Variants in ZFYVE26 observed in about 807,000 individuals in gnomAD.
ZFYVE26 encodes the protein zinc finger FYVE-type containing 26.
A neutral mutation model predicts 276.5 loss-of-function variants in ZFYVE26; 181 were observed. That is an observed-to-expected ratio of 0.65 (90% CI 0.58 to 0.74). The LOEUF is 0.74. ZFYVE26 is among the 30% of genes least tolerant of loss of function. The pLI is 0.00. For synonymous variants in ZFYVE26, 1,129 were observed against 1,203.1 expected, an observed-to-expected ratio of 0.94 and a Z score of 1.27; for missense variants, 2,821 against 3,097.9, an observed-to-expected ratio of 0.91 and a Z score of 2.12.
chr14:67,742,936 C>A, downstream of ZFYVE26, among the ~76,000 whole-genome samples: 1 of 148,694 alleles, frequency 6.7e-6, no homozygotes, highest in Admixed American at 6.8e-5. Context: ...AACTCCTGGG[C>A]TCAAGCGATC....
intron 35 of ZFYVE26, among the ~76,000 whole-genome samples, chr14:67,759,117 C>T (rs1459508458): frequency 7.3e-5 from 11 of 150,422 alleles, no homozygotes; most frequent in African/African-American, 9.8e-5. Context: ...TGGTGGCGGG[C>T]GCTTGTAGTC....
In ZFYVE26 at chr14:67,767,804, G is replaced by A. The variant is rs752859634; in HGVS notation, c.5690C>T (p.Ser1897Leu). Residue 1897 changes from serine to leucine, a missense_variant, in exon 31 of 42, where the codon TCG (serine) becomes TTG (leucine). Ser to Leu is a moderately radical substitution (Grantham distance 145, BLOSUM62 -2). Coordinates refer to ENST00000347230, the MANE Select transcript of ZFYVE26 (RefSeq NM_015346.4). ...DSSKNESPPY[S>L]FVVRVPKADE... ...TGCTTTGGGGACTCTCACCACAAAC[G>A]AGTATGGAGGGCTTTCATTCTTGGA... 9 of 1,613,998 alleles carry A rather than the reference G, an allele frequency of 5.6e-6. No individual in the cohort carries two copies. Among genetic ancestry groups the A allele is most frequent in the Admixed American group, 1.7e-5 (1 of 59,996 alleles).
At position 67,804,137 on chromosome 14, in the gene ZFYVE26, G is replaced by T; in HGVS notation, c.1399C>A (p.Gln467Lys). 6.2e-7 allele frequency: 1 copy of T among 1,614,196 alleles called. No homozygotes were observed. Among genetic ancestry groups the T allele is most frequent in the Non-Finnish European group, 8.5e-7 (1 of 1,180,020 alleles). Reference sequence around the variant, plus strand: ...TGGGGGTCCTTGGCTGGCACTTTCTGTAAGAGCTTGAGAACATCTTCCTCC... The same window carrying T: ...TGGGGGTCCTTGGCTGGCACTTTCTTTAAGAGCTTGAGAACATCTTCCTCC... ...LREEDVLKLL[Q>K]KVPAKDPQQE... is the part of the protein sequence containing the mutation. The change falls in exon 9 of 42, where the codon CAG becomes AAG. Residue 467 changes from glutamine (Q) to lysine (K), a missense_variant. Physicochemically the swap from Gln to Lys is moderately conservative, Grantham distance 53 (BLOSUM62 1). Transcript: ENST00000347230.
chr14:67,751,791 T>C (rs1384398596), intron 40 of ZFYVE26, among the ~76,000 whole-genome samples: 1 of 151,466 alleles, frequency 6.6e-6, no homozygotes, highest in Non-Finnish European at 1.5e-5. Flanking sequence ...GAGAATGGCG[T>C]GAACCCAGGA....
chr14:67,744,364 T>G (rs1396740140), downstream of ZFYVE26, among the ~76,000 whole-genome samples: 1 of 152,212 alleles, frequency 6.6e-6, no homozygotes, highest in Non-Finnish European at 1.5e-5. Flanking sequence ...TAATCATTAC[T>G]GTTGTTTGTT....
chr14:67,757,641 T>TCTTC (rs2038812982), intron 35 of ZFYVE26, among the ~76,000 whole-genome samples: 2 of 1,802 alleles, frequency 1.1e-3, no homozygotes, highest in Admixed American at 0.015. Flanking sequence ...GATATTTTTG[T>TCTTC]CTTTCTTTCT....
At chr14:67,751,828 C>T (rs1305028004) in intron 40 of ZFYVE26, among the ~76,000 whole-genome samples, 2 of 151,758 alleles carry the variant, frequency 1.3e-5, no homozygotes, top group Non-Finnish European at 2.9e-5. Flanking sequence ...AGCTGAGATA[C>T]TCCAGCCTGG....
chr14:67,798,757 T>A, intron 10 of ZFYVE26, 135 bp from the exon 11 acceptor site: 2 of 1,182,560 alleles, frequency 1.7e-6, no homozygotes, highest in Non-Finnish European at 2.4e-6. Context: ...ATAAGGGAAC[T>A]GAGGTTACAG....
intron 13 of ZFYVE26, 46 bp downstream of exon 13, chr14:67,794,125 C>G: frequency 6.3e-7 from 1 of 1,590,998 alleles, no homozygotes; most frequent in Non-Finnish European, 8.6e-7. Context: ...AACTCTATAT[C>G]AGGGCAAAGC....
rs551045659 is a variant in ZFYVE26, at chr14:67,808,319, C to T, written c.364-399G>A. On this transcript the variant is annotated intron_variant, in intron 4 of 41. Coordinates refer to ENST00000347230, the MANE Select transcript of ZFYVE26 (RefSeq NM_015346.4). ...ATGCCCATCTAAAGGCATTTACATTCAATTTTTAAAAGAATGTCAGTTTTT... is the reference window on the plus strand; with the variant it reads ...ATGCCCATCTAAAGGCATTTACATTTAATTTTTAAAAGAATGTCAGTTTTT... 2.6e-5 allele frequency among the ~76,000 whole-genome samples: 4 copies of T among 152,284 alleles called. No homozygotes were observed. The East Asian group carries it at 7.7e-4, about 29-fold the overall frequency.
intron 2 of ZFYVE26, 92 bp downstream of exon 2, chr14:67,815,678 G>T (rs2040386852): frequency 1.6e-6 from 2 of 1,218,108 alleles, no homozygotes; most frequent in Admixed American, 1.7e-5. Context: ...TCTTCAGAGG[G>T]TAGTTGAGTG....
In ZFYVE26 at chr14:67,793,732, C is replaced by T. The variant is rs1395832064; in HGVS notation, c.2429G>A (p.Arg810Gln). 16 of 1,613,738 alleles carry T rather than the reference C, an allele frequency of 9.9e-6. No homozygotes were observed. Among genetic ancestry groups the T allele is most frequent in the Middle Eastern group, 1.6e-4 (1 of 6,082 alleles). ...GTGCAATCTACTGTGCAGCTCATTC[C>T]GGCCAGACATGGCACTCAGACTTCC... Reference protein sequence around the residue: ...SEGSLSAMSGRNELHSRLHPH... With the variant: ...SEGSLSAMSGQNELHSRLHPH... Residue 810 changes from arginine (R) to glutamine (Q), a missense_variant, in exon 14 of 42, where the codon CGG (arginine) becomes CAG (glutamine). Arg to Gln is a conservative substitution (Grantham distance 43). Transcript: ENST00000347230.
intron 23 of ZFYVE26, among the ~76,000 whole-genome samples, chr14:67,779,093 A>G (rs1470285214): frequency 6.6e-6 from 1 of 151,548 alleles, no homozygotes; most frequent in Non-Finnish European, 1.5e-5. Context: ...GAATGAACGA[A>G]CATTTCAATG....
At chr14:67,796,706 C>T (rs1223841117) in intron 12 of ZFYVE26, 1 of 152,094 alleles carries the variant, frequency 6.6e-6, no homozygotes, top group African/African-American at 2.4e-5. Context: ...AATTCCAGCA[C>T]TTTGGGAAGC....
chr14:67,757,674 C>CTTTCTTTCT (rs2038818717), intron 35 of ZFYVE26, among the ~76,000 whole-genome samples: 1 of 139,988 alleles, frequency 7.1e-6, no homozygotes, highest in East Asian at 2.0e-4. Flanking sequence ...TTCTTTCTTT[C>CTTTCTTTCT]TTTCTTTCTC....
chr14:67,751,979 TTCAC>T (rs1407797701), intron 40 of ZFYVE26, among the ~76,000 whole-genome samples: 1 of 152,194 alleles, frequency 6.6e-6, no homozygotes, highest in Non-Finnish European at 1.5e-5. Flanking sequence ...TGTGGCTCTG[TTCAC>T]TCCACAAAGC....
intron 22 of ZFYVE26, among the ~76,000 whole-genome samples, chr14:67,780,579 C>G (rs1329887677): frequency 6.6e-6 from 1 of 152,138 alleles, no homozygotes; most frequent in Non-Finnish European, 1.5e-5. Flanking sequence ...GGACTGGGGC[C>G]TTTCACTAGT....
At position 67,807,621 on chromosome 14, in the gene ZFYVE26, G is replaced by A. The variant is rs1405025996; in HGVS notation, c.663C>T (p.Ala221=). The A allele has an allele frequency of 1.2e-6, 2 of 1,614,200 alleles. No homozygotes were observed. Among genetic ancestry groups the A allele is most frequent in the Admixed American group, 1.7e-5 (1 of 60,026 alleles). ...PPGVVDAIYG[A]LRTLRCPAEP... ...CTGCGGGGCAACGCAGAGTCCGCAG[G>A]GCTCCATAGATGGCATCGACTACCC... Residue 221 remains alanine (A), a synonymous_variant, in exon 5 of 42, where the codon GCC becomes GCT. Coordinates refer to ENST00000347230, the MANE Select transcript of ZFYVE26 (RefSeq NM_015346.4).
Position 67,807,796 on chromosome 14 carries a change from T to A in ZFYVE26, c.488A>T (p.Gln163Leu). 5.0e-6 allele frequency: 8 copies of A among 1,614,218 alleles called. No individual in the cohort carries two copies. The highest frequency in any genetic ancestry group is 6.8e-6 in the Non-Finnish European group (8 of 1,180,032). ...AVSVLWDLLR[Q>L]SPQPAQALLE... The stretch of plus-strand genomic sequence containing the variant: ...CAGGGCCTGTGCTGGCTGGGGAGAC[T>A]GCCTCAGGAGATCCCAGAGCACAGA... The change falls in exon 5 of 42, where the codon CAG becomes CTG. Residue 163 changes from glutamine to leucine, a missense_variant. Gln to Leu is a moderately radical substitution (Grantham distance 113, BLOSUM62 -2). Coordinates refer to ENST00000347230, the MANE Select transcript of ZFYVE26 (RefSeq NM_015346.4).
Sources: allele counts gnomAD v4.1 joint callset (sites outside exome capture counted in the v4.1 genomes callset), GRCh38; gene constraint gnomAD v4.1.1; transcripts MANE v1.5; gene names NCBI Gene and HGNC (gene_info 2026-07-23, HGNC 2026-07-21).